The following KCMF1 variants were observed in gnomAD, a reference collection of about 807,000 sequenced individuals.
KCMF1 encodes the protein potassium channel modulatory factor 1.
In KCMF1, 3 loss-of-function variants were observed where a neutral mutation model predicts 41.1. The observed-to-expected ratio is 0.07, with a 90% CI of 0.03 to 0.19. The LOEUF (loss-of-function observed/expected upper bound fraction) is 0.19. Ranked by LOEUF, KCMF1 falls within the 10% of genes least tolerant of loss-of-function variation. The pLI is 1.00. For missense variants in KCMF1, 286 were observed against 488.9 expected (o/e 0.58, Z 3.91); for synonymous variants, 142 against 164.5 (o/e 0.86, Z 1.04).
chr2:85,008,277 A>ATGATATATAATATATATCATATTAT (rs1370005345), intron 1 of KCMF1, among the ~76,000 whole-genome samples: 2 of 91,386 alleles, frequency 2.2e-5, no homozygotes, highest in Admixed American at 1.2e-4. Context: ...TATAATATAT[A>ATGATATATAATATATATCATATTAT]ATATGATATA....
rs150219647 is a variant in KCMF1 at position 84,977,381 on chromosome 2, T to C, written c.16+5914T>C. Among the ~76,000 whole-genome samples, 348 of 152,302 alleles carry C rather than the reference T, an allele frequency of 2.3e-3. 1 individual carries two copies. The highest frequency in any genetic ancestry group is 7.7e-3 in the African/African-American group (319 of 41,568). On this transcript the variant is annotated intron_variant, in intron 1 of 6. Coordinates refer to ENST00000409785, the MANE Select transcript of KCMF1 (RefSeq NM_020122.5). ...TACCATCAGGTCTTCTTACAACTTATTGTACTTTAACTGTAATCTGTTAAC... is the reference window on the plus strand; with the variant it reads ...TACCATCAGGTCTTCTTACAACTTACTGTACTTTAACTGTAATCTGTTAAC...
intron 3 of KCMF1, among the ~76,000 whole-genome samples, chr2:85,042,492 G>A (rs1275452670): frequency 6.6e-6 from 1 of 152,160 alleles, no homozygotes; most frequent in Non-Finnish European, 1.5e-5. Context: ...TTTTGCCTAA[G>A]TGAAAGAATT....
At chr2:84,971,750 C>T (rs1228418665) in intron 1 of KCMF1, among the ~76,000 whole-genome samples, 2 of 151,124 alleles carry the variant, frequency 1.3e-5, no homozygotes, top group Non-Finnish European at 3.0e-5. Context: ...GGCGGCGGGG[C>T]CCGTTACCGG....
chr2:85,025,247 C>G (rs1342822239), intron 1 of KCMF1, among the ~76,000 whole-genome samples: 1 of 152,090 alleles, frequency 6.6e-6, no homozygotes, highest in East Asian at 1.9e-4. Context: ...CCTTTAGTGT[C>G]TTTGAATACA....
rs56004994 is a variant in KCMF1, at chr2:85,045,460, C to T, written c.427-644C>T. Among the ~76,000 whole-genome samples, 1,351 of 152,194 alleles carry T rather than the reference C, an allele frequency of 8.9e-3. 8 individuals carry two copies. Among genetic ancestry groups the T allele is most frequent in the Non-Finnish European group, 0.015 (1,035 of 68,018 alleles). ...AGAAGCCAGCCAAAAAATTAATCTG[C>T]ATTATAAAGCTGGTCTGTTTGGTAC... On this transcript the variant is annotated intron_variant, in intron 4 of 6. Transcript: ENST00000409785.
chr2:85,005,510 G>A (rs1452426925), intron 1 of KCMF1, among the ~76,000 whole-genome samples: 2 of 150,890 alleles, frequency 1.3e-5, no homozygotes, highest in Non-Finnish European at 3.0e-5. Context: ...GGATGGTCTC[G>A]AACTCCTGAC....
chr2:85,044,653 A>G (rs1395517295), intron 4 of KCMF1, among the ~76,000 whole-genome samples: 1 of 152,078 alleles, frequency 6.6e-6, no homozygotes, highest in African/African-American at 2.4e-5. Context: ...AAGTGCTGGG[A>G]TTACAGGCAT....
intron 4 of KCMF1, 47 bp downstream of exon 4, chr2:85,043,712 G>T (rs1335651613): frequency 2.2e-6 from 3 of 1,335,292 alleles, no homozygotes; most frequent in Admixed American, 1.8e-5. Context: ...TGTAATGTTT[G>T]TCATTTTGAT....
At chr2:85,016,021 A>G (rs548311771) in intron 1 of KCMF1, among the ~76,000 whole-genome samples, 1 of 152,310 alleles carries the variant, frequency 6.6e-6, no homozygotes, top group Admixed American at 6.5e-5. Flanking sequence ...ACAGAATTCT[A>G]CCTGGAAAAA....
At chr2:84,971,996 G>A (rs1010990270) in intron 1 of KCMF1, 4 of 152,142 alleles carry the variant, frequency 2.6e-5, no homozygotes, top group Non-Finnish European at 5.9e-5. Context: ...CCGCGGGGCT[G>A]GCGGGAAGGC....
intron 3 of KCMF1, among the ~76,000 whole-genome samples, chr2:85,042,310 A>C (rs1675559109): frequency 6.6e-6 from 1 of 152,204 alleles, no homozygotes; most frequent in Non-Finnish European, 1.5e-5. Context: ...TAGTTGTTAG[A>C]AGATGGAAAG....
intron 1 of KCMF1, among the ~76,000 whole-genome samples, chr2:84,978,006 C>CT (rs79184611): frequency 0.08 from 11,694 of 145,728 alleles, 668 homozygotes; most frequent in East Asian, 0.31. Context: ...TAGCAGCAAT[C>CT]TTTTTTTTTT....
intron 1 of KCMF1, among the ~76,000 whole-genome samples, chr2:84,974,847 A>G (rs2103958058): frequency 6.6e-6 from 1 of 150,596 alleles, no homozygotes; most frequent in South Asian, 2.1e-4. Context: ...CTGGGATTGC[A>G]GGCGCCCACC....
chr2:85,044,517 A>T (rs1298661765), intron 4 of KCMF1, among the ~76,000 whole-genome samples: 1 of 152,156 alleles, frequency 6.6e-6, no homozygotes, highest in Non-Finnish European at 1.5e-5. Context: ...CTAAGATTAC[A>T]GGTGCCCGCC....
Position 84,988,058 on chromosome 2 carries a change from T to TA in KCMF1, c.16+16600dup, listed in dbSNP as rs199882060. Among the ~76,000 whole-genome samples the TA allele has an allele frequency of 6.5e-3, 975 of 150,962 alleles. 24 individuals are homozygous for TA. In the East Asian group the frequency reaches 0.076, roughly 12 times the overall value. ...CAACATGGAGAAATGCCGTCTCTAC[T>TA]AAAAAAAAATAAATAAATACAAAAT... On this transcript the variant is annotated intron_variant, in intron 1 of 6. Transcript: ENST00000409785.
At chr2:85,052,904 C>T (rs1040626805) in intron 6 of KCMF1, among the ~76,000 whole-genome samples, 1 of 151,526 alleles carries the variant, frequency 6.6e-6, no homozygotes, top group Non-Finnish European at 1.5e-5. Flanking sequence ...GTCTAAATGT[C>T]TTTTTTTTTC....
In KCMF1 at chr2:85,057,897, G is replaced by A. The variant is rs958037790; in HGVS notation, c.*4488G>A. On this transcript the variant is annotated 3_prime_UTR_variant, in exon 7 of 7. Coordinates refer to ENST00000409785, the MANE Select transcript of KCMF1 (RefSeq NM_020122.5). ...AGTCGGTTGCTATTAGGTGGGTAAT[G>A]CCTAATAACATGGGTTCCTCAAATC... 1.1e-4 allele frequency: 16 copies of A among 152,224 alleles called. No individual in the cohort carries two copies. Among genetic ancestry groups the A allele is most frequent in the African/African-American group, 3.6e-4 (15 of 41,448 alleles). 9.4% of individuals were successfully genotyped at this position (152,224 alleles called of 1,614,324 possible). A position where few individuals can be genotyped will look rare whatever the true frequency, so the allele number is the denominator to read the frequency against.
At chr2:85,045,802 C>T (rs1375885521) in intron 4 of KCMF1, among the ~76,000 whole-genome samples, 4 of 152,152 alleles carry the variant, frequency 2.6e-5, no homozygotes, top group Admixed American at 2.0e-4. Context: ...GCTGAATATA[C>T]ATTCAGTATT....
intron 2 of KCMF1, among the ~76,000 whole-genome samples, chr2:85,033,213 C>A (rs1048297006): frequency 1.3e-5 from 2 of 152,118 alleles, no homozygotes; most frequent in Non-Finnish European, 2.9e-5. Flanking sequence ...TGAATATGAA[C>A]AAATCTATCA....
Sources: gnomAD v4.1 joint callset for allele counts (sites outside exome capture counted in the v4.1 genomes callset) on GRCh38, gnomAD v4.1.1 for gene constraint, MANE v1.5 for transcripts, NCBI Gene and HGNC (gene_info 2026-07-23, HGNC 2026-07-21) for gene names.